Variants in LARP1 observed in about 807,000 individuals in gnomAD.
LARP1 encodes La ribonucleoprotein 1, translational regulator.
LARP1 carries 36 observed loss-of-function variants against 122.7 expected under a neutral mutation model. The observed-to-expected ratio is 0.29, with a 90% CI of 0.22 to 0.39. LARP1 has a LOEUF of 0.39. LARP1 is among the 10% of genes least tolerant of loss of function. LARP1 has a pLI of 1.00. For missense variants in LARP1, 1,040 were observed against 1,403.6 expected (o/e 0.74, Z 4.14); for synonymous variants, 539 against 528.7 (o/e 1.02, Z -0.27).
chr5:154,708,540 C>T (rs989125449), upstream of LARP1, among the ~76,000 whole-genome samples: 5 of 152,144 alleles, frequency 3.3e-5, no homozygotes, highest in African/African-American at 1.2e-4. Flanking sequence ...CAGAGCTGCA[C>T]AAACAGATGT....
At chr5:154,800,121 C>A in intron 10 of LARP1, 79 bp downstream of exon 10, 1 of 1,307,106 alleles carries the variant, frequency 7.7e-7, no homozygotes, top group Non-Finnish European at 1.1e-6. Context: ...ATGGGCACAG[C>A]ACTCTAGCTC....
At chr5:154,797,793 A>G (rs938012420) in intron 8 of LARP1, among the ~76,000 whole-genome samples, 2 of 152,012 alleles carry the variant, frequency 1.3e-5, no homozygotes, top group Non-Finnish European at 2.9e-5. Flanking sequence ...AAATCAGGCA[A>G]TCCTCTTGCC....
At chr5:154,805,012 AC>A (rs1252044866) in intron 14 of LARP1, 1 of 430,228 alleles carries the variant, frequency 2.3e-6, no homozygotes, top group East Asian at 7.1e-5. Flanking sequence ...CAGAAGCCTT[AC>A]CAATAACATA....
intron 1 of LARP1, among the ~76,000 whole-genome samples, chr5:154,772,853 A>G (rs990887109): frequency 6.6e-6 from 1 of 151,830 alleles, no homozygotes; most frequent in Non-Finnish European, 1.5e-5. Context: ...ACACCCTGCT[A>G]ATTTTGTATT....
In LARP1 at chr5:154,803,920, C is replaced by T. The variant is rs1200701179; in HGVS notation, c.2439+175C>T. ...TAGGTAGCCACATCTGCAAAATATA[C>T]TGGGTGTGGGAGTGGTAACCCCATG... On this transcript the variant is annotated intron_variant, in intron 13 of 18. Coordinates refer to ENST00000518297, the MANE Select transcript of LARP1 (RefSeq NM_033551.3). The surrounding 1 kb of genome is among the most constrained non-coding windows in gnomAD (Gnocchi z 4.4). Among the ~76,000 whole-genome samples, 1 of 152,150 alleles carries T rather than the reference C, an allele frequency of 6.6e-6. No individual in the cohort carries two copies. Among genetic ancestry groups the T allele is most frequent in the African/African-American group, 2.4e-5 (1 of 41,414 alleles).
chr5:154,733,956 G>A (rs1201897210), intron 1 of LARP1, among the ~76,000 whole-genome samples: 3 of 151,840 alleles, frequency 2.0e-5, no homozygotes, highest in African/African-American at 7.3e-5. Flanking sequence ...ACCTGAGTTC[G>A]GGAGATCGAG....
At chr5:154,801,863 CGCTTGTGACCT>C in intron 10 of LARP1, 133 bp from the exon 11 acceptor site, 2 of 703,044 alleles carry the variant, frequency 2.8e-6, no homozygotes, top group Non-Finnish European at 4.6e-6. Context: ...CCCAGGATGA[CGCTTGTGACCT>C]GCTGGTGTTA....
At chr5:154,805,105 G>GA (rs1409778566) in intron 14 of LARP1, 22 of 340,030 alleles carry the variant, frequency 6.5e-5, no homozygotes, top group East Asian at 7.7e-5. Context: ...ATATTACTAA[G>GA]AAAATCACAA....
At chr5:154,740,572 A>C (rs1757179202) in intron 1 of LARP1, among the ~76,000 whole-genome samples, 1 of 152,182 alleles carries the variant, frequency 6.6e-6, no homozygotes, top group Non-Finnish European at 1.5e-5. Flanking sequence ...GAGAGGTTTT[A>C]TGGCTTGCTC....
intron 15 of LARP1, among the ~76,000 whole-genome samples, chr5:154,806,829 A>G (rs1758828402): frequency 6.6e-6 from 1 of 152,260 alleles, no homozygotes; most frequent in Non-Finnish European, 1.5e-5. Context: ...TCTACATATG[A>G]TGGAACATAC....
intron 1 of LARP1, among the ~76,000 whole-genome samples, chr5:154,764,111 C>A (rs1326492006): frequency 6.6e-6 from 1 of 151,936 alleles, no homozygotes; most frequent in African/African-American, 2.4e-5. Context: ...GAGTTCAAGA[C>A]CAGCCTGGCC....
At chr5:154,760,166 G>A (rs1321903888) in intron 1 of LARP1, among the ~76,000 whole-genome samples, 3 of 152,042 alleles carry the variant, frequency 2.0e-5, no homozygotes, top group African/African-American at 7.3e-5. Context: ...TCAAACTCCC[G>A]ACCTCAGGTG....
chr5:154,787,326 G>A (rs116168189), intron 1 of LARP1, among the ~76,000 whole-genome samples: 86 of 152,338 alleles, frequency 5.6e-4, no homozygotes, highest in African/African-American at 2.0e-3. Context: ...GGGGATTGGT[G>A]CCTGTGCAAA....
chr5:154,746,089 C>T (rs1421497979), intron 1 of LARP1, among the ~76,000 whole-genome samples: 2 of 152,244 alleles, frequency 1.3e-5, no homozygotes. Flanking sequence ...TGAGCCACCG[C>T]ACCTGGCCTA....
At chr5:154,704,193 T>C (rs1165831686) in intron 1 of LARP1, among the ~76,000 whole-genome samples, 1 of 152,204 alleles carries the variant, frequency 6.6e-6, no homozygotes, top group African/African-American at 2.4e-5. Flanking sequence ...TAATTACAAG[T>C]ACGATAAGCA....
At chr5:154,773,246 G>T (rs1234448720) in intron 1 of LARP1, among the ~76,000 whole-genome samples, 3 of 152,112 alleles carry the variant, frequency 2.0e-5, no homozygotes, top group Middle Eastern at 3.2e-3. Context: ...TACAAACTAT[G>T]GCTAGGGGGG....
chr5:154,785,727 G>A (rs561951582), intron 1 of LARP1, among the ~76,000 whole-genome samples: 2 of 152,196 alleles, frequency 1.3e-5, no homozygotes, highest in East Asian at 1.9e-4. Flanking sequence ...AAAGAATCTC[G>A]GGGTTAGACA....
At chr5:154,801,894 TAGTTG>T in intron 10 of LARP1, 108 bp from the exon 11 acceptor site, 2 of 968,696 alleles carry the variant, frequency 2.1e-6, no homozygotes, top group Non-Finnish European at 3.0e-6. Context: ...ACCAGGGTCA[TAGTTG>T]AACAGTCTTA....
At chr5:154,727,158 G>T (rs1196555728) in intron 1 of LARP1, among the ~76,000 whole-genome samples, 2 of 152,094 alleles carry the variant, frequency 1.3e-5, no homozygotes, top group East Asian at 3.9e-4. Context: ...GGGAGGGGAG[G>T]GGAGAAGAGA....
Sources: gnomAD v4.1 joint callset for allele counts (sites outside exome capture counted in the v4.1 genomes callset) on GRCh38, gnomAD v4.1.1 for gene constraint, Gnocchi (gnomAD v3.1) non-coding constraint, MANE v1.5 for transcripts, NCBI Gene and HGNC (gene_info 2026-07-23, HGNC 2026-07-21) for gene names.